The following ADAMTSL3 variants were observed in gnomAD, a reference collection of about 807,000 sequenced individuals.
The protein encoded by ADAMTSL3 is ADAMTS-like protein 3.
ADAMTSL3 carries 128 observed loss-of-function variants against 201.7 expected under a neutral mutation model. The ratio of observed to expected loss-of-function variants is 0.63; its 90% CI spans 0.55 to 0.73. The LOEUF (loss-of-function observed/expected upper bound fraction) is 0.73. Among genes scored for constraint, ADAMTSL3 ranks in the 30% least tolerant of loss-of-function variants. The pLI is 0.00. For missense variants in ADAMTSL3, 1,990 were observed against 2,119.6 expected, an observed-to-expected ratio of 0.94 and a Z score of 1.20; for synonymous variants, 738 against 748.4, an observed-to-expected ratio of 0.99 and a Z score of 0.23.
At chr15:83,943,674 C>A (rs1048366088) in intron 19 of ADAMTSL3, among the ~76,000 whole-genome samples, 2 of 152,198 alleles carry the variant, frequency 1.3e-5, no homozygotes, top group African/African-American at 4.8e-5. Context: ...AGCTCCACAG[C>A]TGGAAAAGTA....
chr15:83,938,539 AAAG>A (rs1456162467), intron 17 of ADAMTSL3, among the ~76,000 whole-genome samples: 2 of 152,218 alleles, frequency 1.3e-5, no homozygotes, highest in African/African-American at 4.8e-5. Flanking sequence ...CATTTTAAAA[AAAG>A]CATTTCACAG....
chr15:83,958,580 C>CT (rs1415511549), intron 19 of ADAMTSL3, among the ~76,000 whole-genome samples: 1 of 152,128 alleles, frequency 6.6e-6, no homozygotes, highest in Non-Finnish European at 1.5e-5. Flanking sequence ...AGAAAACAAT[C>CT]TAATTCATTT....
chr15:84,022,890 T>G (rs2068231709), intron 26 of ADAMTSL3, among the ~76,000 whole-genome samples: 1 of 152,216 alleles, frequency 6.6e-6, no homozygotes, highest in African/African-American at 2.4e-5. Context: ...TCCCTCTGCC[T>G]AGGACACTGT....
At chr15:83,756,642 G>C (rs1329790038) in intron 3 of ADAMTSL3, among the ~76,000 whole-genome samples, 1 of 139,616 alleles carries the variant, frequency 7.2e-6, no homozygotes, top group African/African-American at 2.7e-5. Flanking sequence ...AAAATCAATC[G>C]TGCCTTCCCA....
intron 17 of ADAMTSL3, among the ~76,000 whole-genome samples, chr15:83,934,335 G>T (rs998090248): frequency 6.6e-6 from 1 of 152,210 alleles, no homozygotes; most frequent in South Asian, 2.1e-4. Flanking sequence ...CGACTTGCAT[G>T]GGCCCTGTAG....
intron 2 of ADAMTSL3, among the ~76,000 whole-genome samples, chr15:83,672,089 ACTC>A (rs1469813464): frequency 1.3e-5 from 2 of 152,162 alleles, no homozygotes; most frequent in Non-Finnish European, 2.9e-5. Flanking sequence ...TAAAATGTTA[ACTC>A]CATAGAATCC....
chr15:83,853,906 C>CTCTA (rs36062109), intron 7 of ADAMTSL3, among the ~76,000 whole-genome samples: 3,210 of 146,556 alleles, frequency 0.022, 47 homozygotes, highest in Admixed American at 0.029. Context: ...ATCACTCTAT[C>CTCTA]TCTATCTATC....
chr15:83,966,444 C>G (rs1425688334), intron 19 of ADAMTSL3, among the ~76,000 whole-genome samples: 2 of 152,142 alleles, frequency 1.3e-5, no homozygotes, highest in East Asian at 3.8e-4. Context: ...TGGATAAATT[C>G]CTGGACACAT....
intron 9 of ADAMTSL3, among the ~76,000 whole-genome samples, chr15:83,876,842 G>A (rs977173629): frequency 5.3e-5 from 8 of 152,068 alleles, no homozygotes; most frequent in African/African-American, 1.9e-4. Flanking sequence ...GCCCAGACTG[G>A]AGTGCAGTGG....
chr15:83,661,848 A>T (rs1193730809), intron 2 of ADAMTSL3, among the ~76,000 whole-genome samples: 1 of 149,376 alleles, frequency 6.7e-6, no homozygotes, highest in Non-Finnish European at 1.5e-5. Context: ...GCCATCAGAG[A>T]AATGCAAATC....
chr15:83,828,102 A>G (rs560547876), intron 6 of ADAMTSL3, among the ~76,000 whole-genome samples: 35 of 152,294 alleles, frequency 2.3e-4, no homozygotes, highest in African/African-American at 7.0e-4. Context: ...CATTGAATCT[A>G]TAAATTACCT....
intron 2 of ADAMTSL3, among the ~76,000 whole-genome samples, chr15:83,684,058 A>G (rs2061508631): frequency 6.6e-6 from 1 of 152,216 alleles, no homozygotes; most frequent in African/African-American, 2.4e-5. Context: ...TTCATAGTAG[A>G]TTTGAAACCT....
At chr15:83,933,762 TCAGGA>T (rs1003388819) in intron 17 of ADAMTSL3, among the ~76,000 whole-genome samples, 3 of 152,208 alleles carry the variant, frequency 2.0e-5, no homozygotes, top group Non-Finnish European at 2.9e-5. Context: ...TTGTGCAGTC[TCAGGA>T]CTTGGTGCCC....
Position 84,010,191 on chromosome 15 carries a change from G to A in ADAMTSL3, c.3974-4351G>A, listed in dbSNP as rs1375988488. Among the ~76,000 whole-genome samples, 3 of 152,242 alleles carry A rather than the reference G, an allele frequency of 2.0e-5. No homozygotes were observed. In the East Asian group the frequency reaches 5.8e-4, roughly 29 times the overall value. On this transcript the variant is annotated intron_variant, in intron 23 of 29. Coordinates refer to ENST00000286744, the MANE Select transcript of ADAMTSL3 (RefSeq NM_207517.3). ...CGATTTATACTCACATAACAATTGTGTATATGTTGTGGAGGCCAGTGAAGT... is the reference window on the plus strand; with the variant it reads ...CGATTTATACTCACATAACAATTGTATATATGTTGTGGAGGCCAGTGAAGT...
At chr15:83,728,533 C>T (rs1044517710) in intron 3 of ADAMTSL3, among the ~76,000 whole-genome samples, 1 of 151,488 alleles carries the variant, frequency 6.6e-6, no homozygotes, top group Non-Finnish European at 1.5e-5. Flanking sequence ...TTGAGGTTAC[C>T]ATGAGGCTTA....
intron 3 of ADAMTSL3, among the ~76,000 whole-genome samples, chr15:83,707,537 T>C (rs1240745849): frequency 6.6e-6 from 1 of 152,246 alleles, no homozygotes; most frequent in African/African-American, 2.4e-5. Context: ...GTGTAGTTGC[T>C]ACCTAGATCA....
At chr15:83,886,839 C>G (rs2065401926) in intron 10 of ADAMTSL3, among the ~76,000 whole-genome samples, 1 of 152,188 alleles carries the variant, frequency 6.6e-6, no homozygotes, top group Non-Finnish European at 1.5e-5. Context: ...CCTAAAACAA[C>G]AGGGCAGGCA....
intron 2 of ADAMTSL3, among the ~76,000 whole-genome samples, chr15:83,679,616 A>G (rs1036437630): frequency 1.3e-5 from 2 of 152,132 alleles, no homozygotes; most frequent in African/African-American, 4.8e-5. Context: ...TATTCCACAC[A>G]GTAGTTCAGT....
intron 3 of ADAMTSL3, among the ~76,000 whole-genome samples, chr15:83,734,347 A>G (rs1381240426): frequency 6.6e-6 from 1 of 152,200 alleles, no homozygotes; most frequent in African/African-American, 2.4e-5. Flanking sequence ...CATTATTTTG[A>G]TAGTTAATGA....
Sources: allele counts gnomAD v4.1 joint callset (sites outside exome capture counted in the v4.1 genomes callset), GRCh38; gene constraint gnomAD v4.1.1; transcripts MANE v1.5; gene names NCBI Gene and HGNC (gene_info 2026-07-23, HGNC 2026-07-21).